The following CELF1 variants were observed in gnomAD, a reference collection of about 807,000 sequenced individuals.
CELF1 encodes the protein CUGBP Elav-like family member 1, also known as 50 kDa nuclear polyadenylated RNA-binding protein.
A neutral mutation model predicts 61.8 loss-of-function variants in CELF1; 10 were observed. That is an observed-to-expected ratio of 0.16 (90% confidence interval 0.10 to 0.27). The LOEUF (loss-of-function observed/expected upper bound fraction) is 0.27. CELF1 is among the 10% of genes least tolerant of loss of function. CELF1 has a pLI of 1.00. For missense variants in CELF1, 380 were observed against 639.1 expected (o/e 0.59, Z 4.37); for synonymous variants, 236 against 225.1 (o/e 1.05, Z -0.43).
chr11:47,481,807 T>C (rs1408823665), intron 9 of CELF1, among the ~76,000 whole-genome samples: 1 of 152,218 alleles, frequency 6.6e-6, no homozygotes, highest in Non-Finnish European at 1.5e-5. Flanking sequence ...CAACCTTCTT[T>C]TGGCTCACGA....
chr11:47,471,207 T>C lies in CELF1; in HGVS notation c.*1023A>G, dbSNP rs945258459. 2.0e-5 allele frequency: 3 copies of C among 152,290 alleles called. No individual in the cohort carries two copies. Among genetic ancestry groups the C allele is most frequent in the Middle Eastern group, 3.4e-3 (1 of 296 alleles). 9.4% of individuals were successfully genotyped at this position (152,290 alleles called of 1,614,324 possible). A position where few individuals can be genotyped will look rare whatever the true frequency, so the allele number is the denominator to read the frequency against. ...CTCCTCCTCCCCCAACTAGATGGTA[T>C]TGATCACTCTGCCCACAAATGGTAC... On this transcript the variant is annotated 3_prime_UTR_variant, in exon 15 of 15. Transcript: ENST00000687097.
chr11:47,561,249 C>T (rs2097224170), intron 2 of CELF1, among the ~76,000 whole-genome samples: 1 of 150,782 alleles, frequency 6.6e-6, no homozygotes, highest in Non-Finnish European at 1.5e-5. Flanking sequence ...TTGAGACCAT[C>T]CTGGCTAACA....
At chr11:47,518,843 G>C (rs1031037986) in intron 1 of CELF1, among the ~76,000 whole-genome samples, 1 of 152,020 alleles carries the variant, frequency 6.6e-6, no homozygotes, top group Non-Finnish European at 1.5e-5. Context: ...CAAAATCCTT[G>C]ACCAAGCAGC....
At chr11:47,483,188 C>T (rs573512706) in intron 8 of CELF1, among the ~76,000 whole-genome samples, 12 of 152,208 alleles carry the variant, frequency 7.9e-5, no homozygotes, top group African/African-American at 2.9e-4. Flanking sequence ...TCACTTGAGC[C>T]TGGGTGGTTG....
rs1379092846 is a variant in CELF1 at position 47,469,388 on chromosome 11, G to C, written c.*2842C>G. On this transcript the variant is annotated 3_prime_UTR_variant, in exon 15 of 15. Transcript: ENST00000687097. ...CCACTCAAGGGGAACCCAGGAGACA[G>C]TGGTCTGGCTGCATTCAAGGCAAAT... is the stretch of plus-strand genomic sequence containing the variant. The C allele has an allele frequency of 6.6e-6, 1 of 152,312 alleles. No homozygotes were observed. The highest frequency in any genetic ancestry group is 6.5e-5 in the Admixed American group (1 of 15,294). The allele number at this position is 152,312 out of a possible 1,614,324, so 9.4% of individuals were successfully genotyped here. A position where few individuals can be genotyped will look rare whatever the true frequency, so the allele number is the denominator to read the frequency against.
At chr11:47,544,782 G>C (rs1034225551) in intron 1 of CELF1, among the ~76,000 whole-genome samples, 1 of 150,826 alleles carries the variant, frequency 6.6e-6, no homozygotes, top group Non-Finnish European at 1.5e-5. Flanking sequence ...GACCAACATG[G>C]AGAAACCCCA....
upstream of CELF1, among the ~76,000 whole-genome samples, chr11:47,557,247 C>G (rs934671866): frequency 9.4e-5 from 14 of 149,398 alleles, no homozygotes; most frequent in East Asian, 4.0e-4. Context: ...GAGGCAGAGT[C>G]TGGCTCTGTG....
intron 1 of CELF1, among the ~76,000 whole-genome samples, chr11:47,536,485 G>A (rs2054609567): frequency 6.6e-6 from 1 of 152,048 alleles, no homozygotes; most frequent in South Asian, 2.1e-4. Context: ...TAGGCCGGGT[G>A]TGGTGGCTCA....
chr11:47,510,299 T>C (rs993566985), intron 1 of CELF1, among the ~76,000 whole-genome samples: 1 of 152,214 alleles, frequency 6.6e-6, no homozygotes, highest in Admixed American at 6.5e-5. Flanking sequence ...TACTGGCCTA[T>C]ACAGCTTGTA....
In CELF1 at chr11:47,467,202, C is replaced by T. The variant is rs188986138; in HGVS notation, c.*5028G>A. ...GTCTGGGTGGGATCTATCATCAGCT[C>T]CTCCCCCTGTAACCTCTTCCCTCCA... On this transcript the variant is annotated 3_prime_UTR_variant, in exon 15 of 15. Coordinates refer to ENST00000687097, the MANE Select transcript of CELF1 (RefSeq NM_001376376.1). 6.6e-6 allele frequency: 1 copy of T among 152,666 alleles called. No individual in the cohort carries two copies. Among genetic ancestry groups the T allele is most frequent in the Non-Finnish European group, 1.5e-5 (1 of 68,388 alleles). The allele number at this position is 152,666 out of a possible 1,614,324, so 9.5% of individuals were successfully genotyped here.
At chr11:47,504,747 C>G (rs2094327909) in intron 1 of CELF1, among the ~76,000 whole-genome samples, 1 of 150,542 alleles carries the variant, frequency 6.6e-6, no homozygotes, top group Non-Finnish European at 1.5e-5. Context: ...ACTAAAAATA[C>G]AAAAATTAGC....
At chr11:47,512,040 G>C (rs953354044) in intron 1 of CELF1, among the ~76,000 whole-genome samples, 2 of 152,122 alleles carry the variant, frequency 1.3e-5, no homozygotes, top group Non-Finnish European at 2.9e-5. Context: ...AGCAGAAACA[G>C]GGTTTCCCCA....
chr11:47,507,409 T>C (rs1014267844), intron 1 of CELF1, among the ~76,000 whole-genome samples: 4 of 151,912 alleles, frequency 2.6e-5, no homozygotes, highest in Non-Finnish European at 5.9e-5. Context: ...ACCACGTTCC[T>C]GCCACTGTAA....
At chr11:47,474,936 G>A (rs1398337784) in intron 13 of CELF1, among the ~76,000 whole-genome samples, 1 of 152,198 alleles carries the variant, frequency 6.6e-6, no homozygotes, top group African/African-American at 2.4e-5. Flanking sequence ...ATCAGAAAGT[G>A]AGGAAAATGC....
In CELF1 at chr11:47,478,834, T is replaced by C. The variant is rs187753137; in HGVS notation, c.844+43A>G. On this transcript the variant is annotated intron_variant, in intron 10 of 14. Coordinates refer to ENST00000687097, the MANE Select transcript of CELF1 (RefSeq NM_001376376.1). ...CAAGACTGTTGTTAGCTGGGTCTGCTGGCCTGGGTGCTGCTGCTCCTCTGC... is the reference window on the plus strand; with the variant it reads ...CAAGACTGTTGTTAGCTGGGTCTGCCGGCCTGGGTGCTGCTGCTCCTCTGC... 5.7e-4 allele frequency: 850 copies of C among 1,500,298 alleles called. 10 individuals carry two copies. Among genetic ancestry groups the C allele is most frequent in the Non-Finnish European group, 4.7e-5 (51 of 1,083,980 alleles). 92.9% of individuals were successfully genotyped at this position (1,500,298 alleles called of 1,614,324 possible). A position where few individuals can be genotyped will look rare whatever the true frequency, so the allele number is the denominator to read the frequency against.
chr11:47,546,693 A>AT (rs1191523916), intron 1 of CELF1, among the ~76,000 whole-genome samples: 1 of 152,208 alleles, frequency 6.6e-6, no homozygotes, highest in Non-Finnish European at 1.5e-5. Flanking sequence ...AGCCATTCAT[A>AT]TATTATAGGT....
At chr11:47,515,654 G>A (rs962527085) in intron 1 of CELF1, among the ~76,000 whole-genome samples, 1 of 152,084 alleles carries the variant, frequency 6.6e-6, no homozygotes, top group Non-Finnish European at 1.5e-5. Flanking sequence ...TGTCTCTTGC[G>A]GAGTCATTAT....
Position 47,478,966 on chromosome 11 carries a change from C to CA in CELF1, c.769-15dup, listed in dbSNP as rs747277535. 13 of 1,605,192 alleles carry CA rather than the reference C, an allele frequency of 8.1e-6. No individual in the cohort carries two copies. The highest frequency in any genetic ancestry group is 4.5e-5 in the East Asian group (2 of 44,732). On this transcript the variant is annotated splice_polypyrimidine_tract_variant and intron_variant, in intron 9 of 14. Coordinates refer to ENST00000687097, the MANE Select transcript of CELF1 (RefSeq NM_001376376.1). ...CTGCAAATAAAGCTAGACATTACAC[C>CA]AAAAAACAGAACAAGAGTGAGAGTG...
At chr11:47,474,944 T>C (rs2079334815) in intron 13 of CELF1, among the ~76,000 whole-genome samples, 1 of 152,150 alleles carries the variant, frequency 6.6e-6, no homozygotes. Flanking sequence ...GTGAGGAAAA[T>C]GCCAAATGAT....
Sources: gnomAD v4.1 joint callset for allele counts (sites outside exome capture counted in the v4.1 genomes callset) on GRCh38, gnomAD v4.1.1 for gene constraint, MANE v1.5 for transcripts, NCBI Gene and HGNC (gene_info 2026-07-23, HGNC 2026-07-21) for gene names.